MARCHF1: variants seen among roughly 807,000 people sequenced by gnomAD.
MARCHF1 encodes membrane associated ring-CH-type finger 1.
Under a neutral mutation model 54.2 loss-of-function variants are expected in MARCHF1, and 40 were observed. The ratio of observed to expected loss-of-function variants is 0.74; its 90% CI spans 0.57 to 0.96. The LOEUF (loss-of-function observed/expected upper bound fraction) is 0.96, where lower values mean the gene tolerates loss of function less well. Among genes scored for constraint, MARCHF1 ranks in the 40% least tolerant of loss-of-function variants. The pLI, the probability that MARCHF1 is intolerant of heterozygous loss-of-function variation, is 0.00. For synonymous variants in MARCHF1, 236 were observed against 236.3 expected (o/e 1.00, Z 0.01); for missense variants, 586 against 656.5 (o/e 0.89, Z 1.17).
chr4:164,189,757 T>C (rs529571123), intron 1 of MARCHF1: 2 of 1,304,772 alleles, frequency 1.5e-6, no homozygotes, highest in Admixed American at 3.4e-5. Flanking sequence ...CCAACTGTCA[T>C]AATCAAGGTC....
chr4:164,234,111 C>T (rs1732484852), intron 1 of MARCHF1, among the ~76,000 whole-genome samples: 1 of 152,016 alleles, frequency 6.6e-6, no homozygotes, highest in Non-Finnish European at 1.5e-5. Context: ...AAATAGAGAA[C>T]CTCTGGGAAA....
intron 1 of MARCHF1, among the ~76,000 whole-genome samples, chr4:164,203,815 C>A (rs1731524409): frequency 6.6e-6 from 1 of 151,992 alleles, no homozygotes; most frequent in East Asian, 1.9e-4. Context: ...TGTGAAGTAA[C>A]CTTGAGAAGA....
intron 1 of MARCHF1, among the ~76,000 whole-genome samples, chr4:164,113,277 A>G (rs1755872863): frequency 6.6e-6 from 1 of 152,008 alleles, no homozygotes; most frequent in African/African-American, 2.4e-5. Flanking sequence ...ATATGTTGTT[A>G]TTGGTTGGAT....
At chr4:164,070,217 C>A (rs988695425) in intron 2 of MARCHF1, among the ~76,000 whole-genome samples, 1 of 152,100 alleles carries the variant, frequency 6.6e-6, no homozygotes, top group African/African-American at 2.4e-5. Context: ...TAAACATATA[C>A]CCCCTATATC....
At chr4:164,081,260 T>C (rs1214678546) in intron 2 of MARCHF1, among the ~76,000 whole-genome samples, 11 of 136,642 alleles carry the variant, frequency 8.1e-5, no homozygotes, top group Non-Finnish European at 1.3e-4. Flanking sequence ...GCATATTAAA[T>C]TGCCAAATTC....
At chr4:163,943,850 T>G (rs1751968400) in intron 3 of MARCHF1, among the ~76,000 whole-genome samples, 1 of 152,022 alleles carries the variant, frequency 6.6e-6, no homozygotes, top group Admixed American at 6.6e-5. Context: ...ACAAACAAGA[T>G]TCACAGAATG....
chr4:163,855,478 A>G (rs1749746692), intron 3 of MARCHF1, among the ~76,000 whole-genome samples: 1 of 152,190 alleles, frequency 6.6e-6, no homozygotes, highest in Non-Finnish European at 1.5e-5. Context: ...ATATTTCCTC[A>G]TTCCCAGTAA....
intron 4 of MARCHF1, among the ~76,000 whole-genome samples, chr4:163,765,824 AG>A (rs1274155179): frequency 7.2e-5 from 3 of 41,830 alleles, no homozygotes; most frequent in Non-Finnish European, 1.6e-4. Context: ...CGGATTATAT[AG>A]ATATAGATAT....
At chr4:164,143,773 A>C (rs1196367308) in intron 1 of MARCHF1, among the ~76,000 whole-genome samples, 1 of 152,224 alleles carries the variant, frequency 6.6e-6, no homozygotes, top group African/African-American at 2.4e-5. Context: ...ACTAATGAGC[A>C]AAATAACCAG....
chr4:164,063,816 C>CA (rs1754671234), intron 2 of MARCHF1, among the ~76,000 whole-genome samples: 2 of 149,438 alleles, frequency 1.3e-5, no homozygotes, highest in Non-Finnish European at 3.0e-5. Flanking sequence ...GAATAACTGT[C>CA]TTTTTTTTTT....
At chr4:164,222,424 A>G (rs899377049) in intron 1 of MARCHF1, among the ~76,000 whole-genome samples, 10 of 151,918 alleles carry the variant, frequency 6.6e-5, no homozygotes, top group African/African-American at 2.4e-4. Context: ...TATATTAGAA[A>G]GAAAAGCAGC....
intron 2 of MARCHF1, among the ~76,000 whole-genome samples, chr4:164,068,894 A>G (rs1754791496): frequency 6.6e-6 from 1 of 152,180 alleles, no homozygotes; most frequent in South Asian, 2.1e-4. Flanking sequence ...CTCTGTATCT[A>G]GCTCAAGGTT....
At chr4:163,825,535 G>GC (rs1748825348) in intron 4 of MARCHF1, among the ~76,000 whole-genome samples, 1 of 151,948 alleles carries the variant, frequency 6.6e-6, no homozygotes. Context: ...TTCCACAATG[G>GC]CTGAACTAAT....
chr4:164,285,568 G>A (rs1734123778), intron 1 of MARCHF1, among the ~76,000 whole-genome samples: 2 of 151,476 alleles, frequency 1.3e-5, no homozygotes, highest in South Asian at 4.2e-4. Context: ...TCAGCCTCAC[G>A]AGTAGCTAGG....
intron 3 of MARCHF1, among the ~76,000 whole-genome samples, chr4:163,896,152 G>T (rs1030447015): frequency 1.3e-5 from 2 of 151,866 alleles, no homozygotes; most frequent in Admixed American, 1.3e-4. Flanking sequence ...TATATATTGT[G>T]CCAAAAAAGA....
chr4:164,020,234 T>C (rs149880403), intron 2 of MARCHF1, among the ~76,000 whole-genome samples: 60 of 152,316 alleles, frequency 3.9e-4, no homozygotes, highest in African/African-American at 1.3e-3. Context: ...TGTAGGACTT[T>C]TGCCAATTTC....
At chr4:164,042,483 C>T (rs746624954) in intron 2 of MARCHF1, among the ~76,000 whole-genome samples, 3 of 152,134 alleles carry the variant, frequency 2.0e-5, no homozygotes, top group Non-Finnish European at 4.4e-5. Flanking sequence ...CTCATGAGAA[C>T]ACACTCACTG....
At chr4:164,221,214 G>A (rs1732101716) in intron 1 of MARCHF1, among the ~76,000 whole-genome samples, 1 of 151,966 alleles carries the variant, frequency 6.6e-6, no homozygotes, top group African/African-American at 2.4e-5. Flanking sequence ...GAGAACATGT[G>A]GGAAGTAATC....
chr4:163,627,047 T>G (rs1051394627), intron 5 of MARCHF1, among the ~76,000 whole-genome samples: 1 of 152,228 alleles, frequency 6.6e-6, no homozygotes, highest in African/African-American at 2.4e-5. Flanking sequence ...ATTTTTAGAA[T>G]GTACTTATGA....
Sources: allele counts gnomAD v4.1 joint callset (sites outside exome capture counted in the v4.1 genomes callset), GRCh38; gene constraint gnomAD v4.1.1; transcripts MANE v1.5; gene names NCBI Gene and HGNC (gene_info 2026-07-23, HGNC 2026-07-21).